The following RELN variants were observed in gnomAD, a reference collection of about 807,000 sequenced individuals.
RELN encodes the protein reelin.
In RELN, 108 loss-of-function variants were observed where a neutral mutation model predicts 427.6. The ratio of observed to expected loss-of-function variants is 0.25; its 90% CI spans 0.22 to 0.30. RELN has a LOEUF of 0.30. RELN is among the 10% of genes least tolerant of loss of function. The pLI is 1.00. For missense variants in RELN, 3,715 were observed against 4,302.8 expected, an observed-to-expected ratio of 0.86 and a Z score of 3.82; for synonymous variants, 1,524 against 1,513.4, an observed-to-expected ratio of 1.01 and a Z score of -0.16.
intron 6 of RELN, among the ~76,000 whole-genome samples, chr7:103,740,571 A>C (rs1049772963): frequency 9.9e-5 from 15 of 152,226 alleles, no homozygotes; most frequent in Non-Finnish European, 2.1e-4. Flanking sequence ...TGGAAGAGTA[A>C]CTTATCTGTT....
intron 1 of RELN, among the ~76,000 whole-genome samples, chr7:103,951,545 C>T (rs143520782): frequency 6.6e-6 from 1 of 152,316 alleles, no homozygotes; most frequent in Non-Finnish European, 1.5e-5. Flanking sequence ...TCCTTTCACC[C>T]TAGTTTGCCA....
At chr7:103,942,872 A>C (rs912184009) in intron 1 of RELN, among the ~76,000 whole-genome samples, 1 of 152,028 alleles carries the variant, frequency 6.6e-6, no homozygotes, top group Non-Finnish European at 1.5e-5. Context: ...AGATTGCGCC[A>C]CTGCACTGCA....
intron 40 of RELN, among the ~76,000 whole-genome samples, chr7:103,552,245 T>C (rs1830429266): frequency 1.3e-5 from 2 of 152,158 alleles, no homozygotes; most frequent in African/African-American, 4.8e-5. Flanking sequence ...ATGCACGCAA[T>C]TCTTTCTATA....
At chr7:103,817,747 G>A (rs746700286) in intron 3 of RELN, among the ~76,000 whole-genome samples, 2 of 151,902 alleles carry the variant, frequency 1.3e-5, no homozygotes, top group Admixed American at 6.6e-5. Flanking sequence ...AGGAGTTTGA[G>A]GCAAGCCTGG....
At chr7:103,628,871 T>C (rs1015782073) in intron 20 of RELN, among the ~76,000 whole-genome samples, 4 of 152,184 alleles carry the variant, frequency 2.6e-5, no homozygotes, top group Non-Finnish European at 2.9e-5. Context: ...TGCAGGACTG[T>C]GTTTAAGTCC....
intron 10 of RELN, among the ~76,000 whole-genome samples, chr7:103,697,625 G>A (rs1184392107): frequency 6.6e-6 from 1 of 152,126 alleles, no homozygotes; most frequent in Non-Finnish European, 1.5e-5. Flanking sequence ...CCAGTACACA[G>A]CACAGTGAGT....
chr7:103,491,818 A>C, intron 58 of RELN, 135 bp downstream of exon 58: 1 of 701,812 alleles, frequency 1.4e-6, no homozygotes, highest in Non-Finnish European at 2.5e-6. Flanking sequence ...AACAAGAGCG[A>C]AACTGTCTCT....
intron 50 of RELN, among the ~76,000 whole-genome samples, chr7:103,514,291 T>C (rs1316815150): frequency 7.2e-5 from 11 of 152,204 alleles, no homozygotes; most frequent in Non-Finnish European, 1.3e-4. Flanking sequence ...CAAAGATACA[T>C]ACTTAATATA....
intron 2 of RELN, among the ~76,000 whole-genome samples, chr7:103,911,304 A>G (rs1367106924): frequency 6.6e-6 from 1 of 150,804 alleles, no homozygotes; most frequent in Non-Finnish European, 1.5e-5. Flanking sequence ...CCACTATGAG[A>G]TACCATCTCA....
chr7:103,858,745 C>A (rs778643809), intron 2 of RELN, among the ~76,000 whole-genome samples: 6 of 152,170 alleles, frequency 3.9e-5, no homozygotes, highest in Admixed American at 2.0e-4. Context: ...TGCAAAGACG[C>A]TTCCATGGTG....
intron 1 of RELN, among the ~76,000 whole-genome samples, chr7:103,986,446 C>T (rs550212670): frequency 3.6e-4 from 54 of 151,970 alleles, no homozygotes; most frequent in African/African-American, 1.2e-3. Context: ...TATTTAAATA[C>T]GACACATACA....
intron 2 of RELN, among the ~76,000 whole-genome samples, chr7:103,859,530 T>C (rs952083568): frequency 1.3e-5 from 2 of 152,154 alleles, no homozygotes; most frequent in Non-Finnish European, 2.9e-5. Context: ...CCTGACCTCG[T>C]GATCCGCCCA....
At chr7:103,551,928 T>C (rs1182455538) in intron 40 of RELN, among the ~76,000 whole-genome samples, 2 of 145,598 alleles carry the variant, frequency 1.4e-5, no homozygotes, top group Non-Finnish European at 3.0e-5. Context: ...ACCTTCTGTG[T>C]GTGTGTGTGG....
intron 1 of RELN, among the ~76,000 whole-genome samples, chr7:103,966,444 C>T (rs776240318): frequency 6.6e-6 from 1 of 152,198 alleles, no homozygotes; most frequent in East Asian, 1.9e-4. Flanking sequence ...GAAGACATGC[C>T]GAGAACATGT....
intron 10 of RELN, 47 bp from the exon 11 acceptor site, chr7:103,682,308 A>G (rs760049881): frequency 6.2e-7 from 1 of 1,604,434 alleles, no homozygotes; most frequent in South Asian, 1.1e-5. Context: ...TTGGTGTTGT[A>G]GCTGTATCTG....
intron 4 of RELN, among the ~76,000 whole-genome samples, chr7:103,765,498 A>C (rs1791407070): frequency 6.6e-6 from 1 of 152,192 alleles, no homozygotes; most frequent in African/African-American, 2.4e-5. Flanking sequence ...AACTCTTAAA[A>C]ACTTGATTAT....
Position 103,561,890 on chromosome 7 carries a change from C to T in RELN, c.5274G>A (p.Ala1758=), listed in dbSNP as rs139102992. Residue 1758 remains alanine (A), a synonymous_variant, in exon 35 of 65, where the codon GCG becomes GCA. Coordinates refer to ENST00000428762, the MANE Select transcript of RELN (RefSeq NM_005045.4). ...ANYTVGADSW[A]IDNVVLASGC... is the part of the protein sequence containing the mutation. ...CTGAGGCCAGTACAACATTATCAAT[C>T]GCCCAGGAATCAGCCCCCACAGTGT... The T allele has an allele frequency of 1.6e-5, 25 of 1,611,962 alleles. No homozygotes were observed. The highest frequency in any genetic ancestry group is 8.9e-5 in the East Asian group (4 of 44,806).
intron 50 of RELN, chr7:103,512,950 T>A (rs1203340127): frequency 6.6e-6 from 1 of 152,220 alleles, no homozygotes; most frequent in Non-Finnish European, 1.5e-5. Flanking sequence ...TGATTTTGTC[T>A]GAGTATATAT....
chr7:103,505,317 G>C (rs545224378), intron 51 of RELN, among the ~76,000 whole-genome samples: 4 of 152,158 alleles, frequency 2.6e-5, no homozygotes, highest in Non-Finnish European at 5.9e-5. Context: ...ATACAGGAGA[G>C]CTCCGGCTGG....
Sources: gnomAD v4.1 joint callset for allele counts (sites outside exome capture counted in the v4.1 genomes callset) on GRCh38, gnomAD v4.1.1 for gene constraint, MANE v1.5 for transcripts, NCBI Gene and HGNC (gene_info 2026-07-23, HGNC 2026-07-21) for gene names.